Variants in NRIP1 observed in about 807,000 individuals in gnomAD.
The protein encoded by NRIP1 is nuclear receptor-interacting protein 1.
In NRIP1, 28 loss-of-function variants were observed where a neutral mutation model predicts 75.0. The ratio of observed to expected loss-of-function variants is 0.37; its 90% CI spans 0.28 to 0.51. NRIP1 has a LOEUF of 0.51. Among genes scored for constraint, NRIP1 ranks in the 20% least tolerant of loss-of-function variants. The pLI is 0.92. For synonymous variants in NRIP1, 526 were observed against 487.6 expected (o/e 1.08, Z -1.04); for missense variants, 1,435 against 1,343.7 (o/e 1.07, Z -1.06).
intron 2 of NRIP1, among the ~76,000 whole-genome samples, chr21:15,031,517 A>G (rs2088690617): frequency 7.2e-6 from 1 of 138,140 alleles, no homozygotes; most frequent in Non-Finnish European, 1.5e-5. Flanking sequence ...TTCCCTTTCT[A>G]TGTATATACA....
chr21:14,969,247 T>C (rs906180482), intron 3 of NRIP1, among the ~76,000 whole-genome samples: 2 of 152,216 alleles, frequency 1.3e-5, no homozygotes, highest in Admixed American at 6.5e-5. Flanking sequence ...CTTTAGATGC[T>C]TGTTCAGGGC....
At chr21:15,002,548 T>C (rs2087873987) in intron 3 of NRIP1, among the ~76,000 whole-genome samples, 1 of 152,070 alleles carries the variant, frequency 6.6e-6, no homozygotes, top group Admixed American at 6.5e-5. Context: ...GGTGAACTAA[T>C]TCATCACACT....
At chr21:15,053,799 T>A (rs566337467) in intron 1 of NRIP1, among the ~76,000 whole-genome samples, 1 of 152,176 alleles carries the variant, frequency 6.6e-6, no homozygotes, top group African/African-American at 2.4e-5. Context: ...AAAAGAAATA[T>A]ACTGTCAAAT....
intron 2 of NRIP1, among the ~76,000 whole-genome samples, chr21:15,037,879 T>C (rs886384716): frequency 6.6e-6 from 1 of 152,130 alleles, no homozygotes; most frequent in Non-Finnish European, 1.5e-5. Flanking sequence ...TAGAATGTAT[T>C]GGGTAATAAA....
chr21:15,037,139 GTAAGT>G (rs895539331), intron 2 of NRIP1, among the ~76,000 whole-genome samples: 1 of 152,100 alleles, frequency 6.6e-6, no homozygotes, highest in African/African-American at 2.4e-5. Flanking sequence ...ACATATCACA[GTAAGT>G]TAAGTCAAAG....
At chr21:14,983,836 T>C (rs1248338193) in intron 3 of NRIP1, among the ~76,000 whole-genome samples, 1 of 152,210 alleles carries the variant, frequency 6.6e-6, no homozygotes, top group Non-Finnish European at 1.5e-5. Context: ...AAAGCACATC[T>C]GTTTACACCA....
intron 3 of NRIP1, among the ~76,000 whole-genome samples, chr21:14,987,645 C>G (rs921126983): frequency 6.6e-6 from 1 of 152,138 alleles, no homozygotes; most frequent in Non-Finnish European, 1.5e-5. Flanking sequence ...TGTATAAAAC[C>G]TCCTGGGAGC....
At chr21:15,006,801 C>T (rs769707758) in intron 3 of NRIP1, among the ~76,000 whole-genome samples, 1 of 152,044 alleles carries the variant, frequency 6.6e-6, no homozygotes, top group South Asian at 2.1e-4. Flanking sequence ...GTGCACAGTG[C>T]CGGTGATTTT....
chr21:14,984,619 G>A (rs1019985885), intron 3 of NRIP1, among the ~76,000 whole-genome samples: 2 of 152,132 alleles, frequency 1.3e-5, no homozygotes, highest in African/African-American at 4.8e-5. Flanking sequence ...AGGTTTGAGA[G>A]GATTGACTCT....
At chr21:15,003,899 G>A (rs547021574) in intron 3 of NRIP1, among the ~76,000 whole-genome samples, 1 of 152,264 alleles carries the variant, frequency 6.6e-6, no homozygotes, top group African/African-American at 2.4e-5. Context: ...TAGCAGGTGA[G>A]CTTGGGTCAT....
chr21:15,029,766 T>C (rs941853267), intron 2 of NRIP1, among the ~76,000 whole-genome samples: 2 of 152,026 alleles, frequency 1.3e-5, no homozygotes, highest in African/African-American at 2.4e-5. Flanking sequence ...TGGTGAGCTA[T>C]GCTAACCCCA....
chr21:15,060,124 A>G (rs767575004), intron 1 of NRIP1, among the ~76,000 whole-genome samples: 9 of 152,166 alleles, frequency 5.9e-5, no homozygotes, highest in Admixed American at 2.0e-4. Context: ...AGTATGTACC[A>G]TAACAGTGAG....
chr21:14,974,501 A>T (rs1394456427), intron 3 of NRIP1, among the ~76,000 whole-genome samples: 1 of 152,238 alleles, frequency 6.6e-6, no homozygotes, highest in Admixed American at 6.5e-5. Flanking sequence ...CCAATGAATT[A>T]CTTCATTTCT....
intron 3 of NRIP1, among the ~76,000 whole-genome samples, chr21:14,998,957 T>C (rs1043773507): frequency 5.3e-5 from 8 of 152,212 alleles, no homozygotes; most frequent in African/African-American, 1.9e-4. Context: ...AATCCCCACA[T>C]TGTCCAAGGG....
At chr21:15,023,817 T>A (rs1466834993) in intron 2 of NRIP1, among the ~76,000 whole-genome samples, 1 of 152,188 alleles carries the variant, frequency 6.6e-6, no homozygotes, top group Non-Finnish European at 1.5e-5. Context: ...GTTCTAATAA[T>A]TAAGCTAGTG....
intron 3 of NRIP1, among the ~76,000 whole-genome samples, chr21:15,009,904 A>G (rs2088062526): frequency 6.6e-6 from 1 of 152,190 alleles, no homozygotes; most frequent in Non-Finnish European, 1.5e-5. Flanking sequence ...GAAACAGACA[A>G]ACAAATTATT....
intron 2 of NRIP1, among the ~76,000 whole-genome samples, chr21:15,037,567 A>G (rs574984546): frequency 4.6e-5 from 7 of 152,296 alleles, no homozygotes; most frequent in African/African-American, 1.7e-4. Flanking sequence ...ATCAACCACT[A>G]GGAGAAAGTA....
At chr21:15,012,403 A>G (rs1675455962) in intron 3 of NRIP1, among the ~76,000 whole-genome samples, 1 of 149,604 alleles carries the variant, frequency 6.7e-6, no homozygotes, top group Admixed American at 6.6e-5. Flanking sequence ...ATTTGTTTTT[A>G]TAAATTTTTA....
intron 3 of NRIP1, among the ~76,000 whole-genome samples, chr21:14,993,846 T>C (rs1380311333): frequency 6.6e-6 from 1 of 152,144 alleles, no homozygotes; most frequent in African/African-American, 2.4e-5. Context: ...TCAAGAAATG[T>C]TAATTCACCT....
Sources: gnomAD v4.1 joint callset for allele counts (sites outside exome capture counted in the v4.1 genomes callset) on GRCh38, gnomAD v4.1.1 for gene constraint, MANE v1.5 for transcripts, NCBI Gene and HGNC (gene_info 2026-07-23, HGNC 2026-07-21) for gene names.